FAM107B: variants seen among roughly 807,000 people sequenced by gnomAD.
The protein encoded by FAM107B is protein FAM107B.
A neutral mutation model predicts 31.5 loss-of-function variants in FAM107B; 21 were observed. The ratio of observed to expected loss-of-function variants is 0.67; its 90% CI spans 0.47 to 0.96. The LOEUF (loss-of-function observed/expected upper bound fraction) is 0.96, where lower values mean the gene tolerates loss of function less well. Among genes scored for constraint, FAM107B ranks in the 40% least tolerant of loss-of-function variants. FAM107B has a pLI of 0.00. For missense variants in FAM107B, 452 were observed against 377.1 expected (o/e 1.20, Z -1.64); for synonymous variants, 157 against 141.5 (o/e 1.11, Z -0.78).
intron 1 of FAM107B, among the ~76,000 whole-genome samples, chr10:14,746,482 AG>A (rs1832729212): frequency 6.6e-6 from 1 of 152,186 alleles, no homozygotes; most frequent in East Asian, 1.9e-4. Flanking sequence ...CTTGCAAGGC[AG>A]GCCTGGTGGT....
At position 14,733,840 on chromosome 10, in the gene FAM107B, T is replaced by C. The variant is rs553913930; in HGVS notation, c.411+40413A>G. Among the ~76,000 whole-genome samples, 5 of 152,320 alleles carry C rather than the reference T, an allele frequency of 3.3e-5. No individual in the cohort carries two copies. The South Asian group carries it at 6.2e-4, about 19-fold the overall frequency. On this transcript the variant is annotated intron_variant, in intron 1 of 4. Transcript: ENST00000181796. ...TCTTCTCAGCAAACCACACTGCTTC[T>C]CCACATTTTCTCCCTGAACAGGTTT...
At chr10:14,566,859 A>G (rs992064244) in intron 2 of FAM107B, among the ~76,000 whole-genome samples, 4 of 152,208 alleles carry the variant, frequency 2.6e-5, no homozygotes, top group Admixed American at 6.5e-5. Flanking sequence ...AGAGGTTTAC[A>G]TCGGAGGTGG....
chr10:14,548,909 T>C (rs1364310581), intron 2 of FAM107B, among the ~76,000 whole-genome samples: 1 of 151,698 alleles, frequency 6.6e-6, no homozygotes, highest in East Asian at 1.9e-4. Context: ...AAAGTGACAG[T>C]ATTTGGAGGT....
intron 2 of FAM107B, among the ~76,000 whole-genome samples, chr10:14,666,693 G>C (rs1363033138): frequency 6.6e-6 from 1 of 152,234 alleles, no homozygotes; most frequent in Non-Finnish European, 1.5e-5. Flanking sequence ...CAAGGGGACA[G>C]TGTCTCAGGA....
chr10:14,770,227 A>G (rs1193497142), intron 1 of FAM107B, among the ~76,000 whole-genome samples: 2 of 152,090 alleles, frequency 1.3e-5, no homozygotes, highest in Non-Finnish European at 2.9e-5. Flanking sequence ...ACTACTGACT[A>G]AAAAAATAAA....
intron 2 of FAM107B, among the ~76,000 whole-genome samples, chr10:14,546,533 C>T (rs753081682): frequency 1.3e-5 from 2 of 152,168 alleles, no homozygotes; most frequent in Non-Finnish European, 2.9e-5. Flanking sequence ...ATAGTACAGT[C>T]GTCATGATGA....
At chr10:14,608,944 T>C (rs1270835008) in intron 2 of FAM107B, among the ~76,000 whole-genome samples, 1 of 152,204 alleles carries the variant, frequency 6.6e-6, no homozygotes, top group Non-Finnish European at 1.5e-5. Flanking sequence ...GTGCTAACAA[T>C]AGTCTCAAGG....
At chr10:14,764,015 A>G (rs1055561729) in intron 1 of FAM107B, among the ~76,000 whole-genome samples, 1 of 152,234 alleles carries the variant, frequency 6.6e-6, no homozygotes, top group Non-Finnish European at 1.5e-5. Flanking sequence ...GTGGCCTGCA[A>G]CTTCCCATCT....
chr10:14,613,962 C>T (rs2131394040), intron 2 of FAM107B, among the ~76,000 whole-genome samples: 2 of 152,218 alleles, frequency 1.3e-5, no homozygotes, highest in East Asian at 3.9e-4. Context: ...GAAACCCTAT[C>T]TCTACTAAAA....
chr10:14,590,726 A>T (rs980839702), intron 2 of FAM107B, among the ~76,000 whole-genome samples: 3 of 152,130 alleles, frequency 2.0e-5, no homozygotes, highest in African/African-American at 7.2e-5. Context: ...TCATGCCTGT[A>T]ATCCCAGCAC....
At chr10:14,602,717 C>T (rs2131375242) in intron 2 of FAM107B, 1 of 152,252 alleles carries the variant, frequency 6.6e-6, no homozygotes, top group Admixed American at 6.5e-5. Context: ...AAAGTCAATC[C>T]CAAATGACTC....
chr10:14,592,383 T>G (rs77610675), intron 2 of FAM107B, among the ~76,000 whole-genome samples: 22,678 of 152,174 alleles, frequency 0.15, 1,796 homozygotes, highest in South Asian at 0.21. Context: ...GGGAAAGCCA[T>G]TCACATAAAA....
chr10:14,663,640 G>A (rs1854314784), intron 2 of FAM107B: 1 of 152,178 alleles, frequency 6.6e-6, no homozygotes, highest in Non-Finnish European at 1.5e-5. Flanking sequence ...TATCCACAAA[G>A]TGACAAGGAA....
chr10:14,655,760 C>A (rs1024891251), intron 2 of FAM107B, among the ~76,000 whole-genome samples: 1 of 152,206 alleles, frequency 6.6e-6, no homozygotes, highest in Non-Finnish European at 1.5e-5. Context: ...CAGCTGGCTA[C>A]TCCTGTAGGG....
chr10:14,659,424 G>C (rs1854164507), intron 2 of FAM107B, among the ~76,000 whole-genome samples: 1 of 148,532 alleles, frequency 6.7e-6, no homozygotes, highest in Admixed American at 6.8e-5. Context: ...CTAGGTGAAA[G>C]AGCAAAACTC....
chr10:14,521,217 T>A lies in FAM107B; in HGVS notation c.894A>T (p.Gln298His). 1 of 1,614,206 alleles carries A rather than the reference T, an allele frequency of 6.2e-7. No individual in the cohort carries two copies. Among genetic ancestry groups the A allele is most frequent in the South Asian group, 1.1e-5 (1 of 91,076 alleles). ...KVKGNLRRTG[Q>H]EVAQAQES Reference sequence around the variant, plus strand: ...AGGACTCCTGGGCTTGGGCGACTTCTTGGCCTGTTCTCCTGAGATTGCCTT... The same window carrying A: ...AGGACTCCTGGGCTTGGGCGACTTCATGGCCTGTTCTCCTGAGATTGCCTT... The change falls in exon 5 of 5, where the codon CAA becomes CAT. Residue 298 changes from glutamine (Q) to histidine (H), a missense_variant. Coordinates refer to ENST00000181796, the MANE Select transcript of FAM107B (RefSeq NM_031453.4).
chr10:14,546,581 C>T (rs1848716663), intron 2 of FAM107B, among the ~76,000 whole-genome samples: 3 of 152,212 alleles, frequency 2.0e-5, no homozygotes, highest in Admixed American at 6.5e-5. Flanking sequence ...AACTACCCAT[C>T]TGCCTTTTTT....
chr10:14,686,932 A>G (rs1410842681), intron 1 of FAM107B, among the ~76,000 whole-genome samples: 3 of 152,256 alleles, frequency 2.0e-5, no homozygotes, highest in Non-Finnish European at 2.9e-5. Flanking sequence ...TTAAAGCAAT[A>G]TTATTTTTGA....
At chr10:14,522,145 G>A in intron 3 of FAM107B, 126 bp from the exon 4 acceptor site, 1 of 1,185,282 alleles carries the variant, frequency 8.4e-7, no homozygotes, top group Middle Eastern at 2.4e-4. Flanking sequence ...ATACCTACTA[G>A]GCTACAGCAG....
Sources: gnomAD v4.1 joint callset for allele counts (sites outside exome capture counted in the v4.1 genomes callset) on GRCh38, gnomAD v4.1.1 for gene constraint, MANE v1.5 for transcripts, NCBI Gene and HGNC (gene_info 2026-07-23, HGNC 2026-07-21) for gene names.